Variants in ZNF34 observed in about 807,000 individuals in gnomAD.
ZNF34 encodes the protein zinc finger protein 34 (KOX 32).
In ZNF34, 8 loss-of-function variants were observed where a neutral mutation model predicts 14.4. The observed-to-expected ratio is 0.55, with a 90% CI of 0.33 to 1.00. ZNF34 has a LOEUF of 1.00. ZNF34 is among the 50% of genes least tolerant of loss of function. The pLI is 0.03. For missense variants in ZNF34, 538 were observed against 674.2 expected, an observed-to-expected ratio of 0.80 and a Z score of 2.24; for synonymous variants, 235 against 247.9, an observed-to-expected ratio of 0.95 and a Z score of 0.49.
At position 144,774,732 on chromosome 8, in the gene ZNF34, T is replaced by G. The variant is rs111768776; in HGVS notation, c.281-127A>C. Reference sequence around the variant, plus strand: ...CAAAGTCCCAACAGCCTTGCAAAGATAAGAGCCTGGAGCTCAGAGGCTTAT... The same window carrying G: ...CAAAGTCCCAACAGCCTTGCAAAGAGAAGAGCCTGGAGCTCAGAGGCTTAT... On this transcript the variant is annotated intron_variant, in intron 5 of 5. Coordinates refer to ENST00000429371, the MANE Select transcript of ZNF34 (RefSeq NM_001286769.2). The G allele has an allele frequency of 0.016, 19,159 of 1,189,472 alleles. 2,350 individuals are homozygous for G. The African/African-American group carries it at 0.26, about 16-fold the overall frequency. The allele number at this position is 1,189,472 out of a possible 1,614,324, so 73.7% of individuals were successfully genotyped here.
Position 144,774,040 on chromosome 8 carries a change from T to C in ZNF34, c.846A>G (p.Gly282=), listed in dbSNP as rs1298865300. The part of the protein sequence containing the change: ...EFINHRRMHS[G]EIPYRCDECG... ...ACTCGTCACACCGGTAGGGAATCTC[T>C]CCTGAGTGCATCCTTCGGTGATTGA... Residue 282 remains glycine, a synonymous_variant, in exon 6 of 6, where the codon GGA becomes GGG. Coordinates refer to ENST00000429371, the MANE Select transcript of ZNF34 (RefSeq NM_001286769.2). The C allele has an allele frequency of 6.2e-7, 1 of 1,614,072 alleles. No individual in the cohort carries two copies. The highest frequency in any genetic ancestry group is 1.1e-5 in the South Asian group (1 of 91,078).
intron 5 of ZNF34, among the ~76,000 whole-genome samples, chr8:144,775,036 G>A (rs2953857): frequency 0.38 from 58,228 of 152,110 alleles, 13,073 homozygotes; most frequent in East Asian, 0.69. Flanking sequence ...GTGACCACAT[G>A]GCACTCTCAT....
intron 1 of ZNF34, among the ~76,000 whole-genome samples, chr8:144,780,714 G>A (rs1404123541): frequency 3.3e-5 from 5 of 151,920 alleles, no homozygotes; most frequent in African/African-American, 9.7e-5. Flanking sequence ...GCTTGAACCC[G>A]GGAGGCGGAG....
At chr8:144,776,509 A>C (rs1001328183) in intron 5 of ZNF34, among the ~76,000 whole-genome samples, 2 of 152,082 alleles carry the variant, frequency 1.3e-5, no homozygotes, top group East Asian at 3.9e-4. Flanking sequence ...CTGAGGCAGA[A>C]TCGCTTGAAA....
chr8:144,786,339 T>C (rs1047253493), intron 1 of ZNF34, among the ~76,000 whole-genome samples: 4 of 150,502 alleles, frequency 2.7e-5, no homozygotes, highest in Admixed American at 2.6e-4. Context: ...TTTGTAGAGA[T>C]ATAAGAAAAC....
chr8:144,786,176 CG>C (rs1244857611), intron 1 of ZNF34, among the ~76,000 whole-genome samples: 1 of 151,260 alleles, frequency 6.6e-6, no homozygotes, highest in Non-Finnish European at 1.5e-5. Context: ...TTAGTAGAGA[CG>C]GGGTTTCACT....
chr8:144,786,766 T>G (rs1223700544), intron 1 of ZNF34, among the ~76,000 whole-genome samples: 1 of 148,904 alleles, frequency 6.7e-6, no homozygotes, highest in Non-Finnish European at 1.5e-5. Flanking sequence ...GCGAGGAGGG[T>G]GGGGCGGAGG....
chr8:144,778,139 G>A lies in ZNF34; in HGVS notation c.59C>T (p.Ala20Val), dbSNP rs769439495. 6.2e-7 allele frequency: 1 copy of A among 1,613,700 alleles called. No homozygotes were observed. Among genetic ancestry groups the A allele is most frequent in the Non-Finnish European group, 8.5e-7 (1 of 1,179,766 alleles). Residue 20 changes from alanine (A) to valine (V), a missense_variant, in exon 4 of 6, where the codon GCT becomes GTT. Physicochemically the swap from Ala to Val is moderately conservative, Grantham distance 64. This residue lies in a region of ZNF34 where 431 missense variants were observed against 525.7 expected (regional missense o/e 0.82). Transcript: ENST00000429371. ...CCATTCCTCCCGGGAGAGGTACACA[G>A]CCACGTCCTCGAAGGTCACCTCGGC... ...PQAEVTFEDVAVYLSREEWGR... is the reference protein window; with the variant it reads ...PQAEVTFEDVVVYLSREEWGR...
Position 144,778,513 on chromosome 8 carries a change from G to T in ZNF34, c.-42C>A, listed in dbSNP as rs1825672557. On this transcript the variant is annotated 5_prime_UTR_variant, in exon 3 of 6. Coordinates refer to ENST00000429371, the MANE Select transcript of ZNF34 (RefSeq NM_001286769.2). ...TTTCTGAGGGCAGTGAGCAGGAGCTGGTCACTGAGGAGCTGAGGGAAGAGA... is the reference window on the plus strand; with the variant it reads ...TTTCTGAGGGCAGTGAGCAGGAGCTTGTCACTGAGGAGCTGAGGGAAGAGA... 2 of 1,580,072 alleles carry T rather than the reference G, an allele frequency of 1.3e-6. No homozygotes were observed. Among genetic ancestry groups the T allele is most frequent in the East Asian group, 2.3e-5 (1 of 43,588 alleles).
chr8:144,778,491 C>G lies in ZNF34; in HGVS notation c.-20G>C. On this transcript the variant is annotated 5_prime_UTR_variant, in exon 3 of 6. Transcript: ENST00000429371. ...CGCCATTGCCTGAGGGTTGGGCTTT[C>G]TGAGGGCAGTGAGCAGGAGCTGGTC... 6.3e-7 allele frequency: 1 copy of G among 1,590,786 alleles called. No individual in the cohort carries two copies. The highest frequency in any genetic ancestry group is 8.6e-7 in the Non-Finnish European group (1 of 1,169,026).
chr8:144,777,677 G>C lies in ZNF34; in HGVS notation c.161-100C>G. 2 of 1,397,162 alleles carry C rather than the reference G, an allele frequency of 1.4e-6. No individual in the cohort carries two copies. Among genetic ancestry groups the C allele is most frequent in the Non-Finnish European group, 1.9e-6 (2 of 1,035,536 alleles). The allele number at this position is 1,397,162 out of a possible 1,614,324, so 86.5% of individuals were successfully genotyped here. A position where few individuals can be genotyped will look rare whatever the true frequency, so the allele number is the denominator to read the frequency against. On this transcript the variant is annotated intron_variant, in intron 4 of 5. Transcript: ENST00000429371. This position sits in a 1 kb window ranked among gnomAD's most constrained non-coding sequence, Gnocchi z 4.8. The stretch of plus-strand genomic sequence containing the variant: ...GCAGGGTAAGGGAGGCACAGGCAGA[G>C]GGGGTGATGGAAGCCTGGACACTCT...
At chr8:144,775,413 G>C (rs976012521) in intron 5 of ZNF34, among the ~76,000 whole-genome samples, 3 of 152,220 alleles carry the variant, frequency 2.0e-5, no homozygotes, top group Non-Finnish European at 2.9e-5. Flanking sequence ...GCGCCAGAGA[G>C]AGACATGCAC....
rs1044978453 is a variant in ZNF34 at position 144,773,122 on chromosome 8, TAAGAA to T, written c.*139_*143del. 1 of 927,010 alleles carries T rather than the reference TAAGAA, an allele frequency of 1.1e-6. No homozygotes were observed. The highest frequency in any genetic ancestry group is 1.5e-6 in the Non-Finnish European group (1 of 661,066). 57.4% of individuals were successfully genotyped at this position (927,010 alleles called of 1,614,324 possible). A position where few individuals can be genotyped will look rare whatever the true frequency, so the allele number is the denominator to read the frequency against. On this transcript the variant is annotated 3_prime_UTR_variant, in exon 6 of 6. Coordinates refer to ENST00000429371, the MANE Select transcript of ZNF34 (RefSeq NM_001286769.2). The surrounding 1 kb of genome is among the most constrained non-coding windows in gnomAD (Gnocchi z 5.4). ...AAATGAACATGCACTGCTTTTGATT[TAAGAA>T]AAGAGGTTTGTTTAATGAGAAACGT...
In ZNF34 at chr8:144,780,933, G is replaced by A. The variant is rs928602794; in HGVS notation, c.-107-653C>T. Among the ~76,000 whole-genome samples the A allele has an allele frequency of 4.6e-5, 7 of 150,752 alleles. No homozygotes were observed. The South Asian group carries it at 6.3e-4, about 14-fold the overall frequency. The stretch of plus-strand genomic sequence containing the variant: ...GGGTGGATGGCGAGGTCAGGAGATC[G>A]AGACCATCCTGGCTGACGGTGAAAC... On this transcript the variant is annotated intron_variant, in intron 1 of 5. Transcript: ENST00000429371.
chr8:144,776,466 G>A (rs1187212586), intron 5 of ZNF34, among the ~76,000 whole-genome samples: 3 of 151,368 alleles, frequency 2.0e-5, no homozygotes, highest in Admixed American at 6.6e-5. Flanking sequence ...CAGGCATGGC[G>A]GCAGGCACCT....
At position 144,777,573 on chromosome 8, in the gene ZNF34, T is replaced by C; in HGVS notation, c.165A>G (p.Val55=). The C allele has an allele frequency of 5.2e-6, 8 of 1,551,758 alleles. No individual in the cohort carries two copies. The highest frequency in any genetic ancestry group is 7.0e-6 in the Non-Finnish European group (8 of 1,147,090). The change falls in exon 5 of 6, where the codon GTA becomes GTG. Residue 55 remains valine, a synonymous_variant. Coordinates refer to ENST00000429371, the MANE Select transcript of ZNF34 (RefSeq NM_001286769.2). This position sits in a 1 kb window ranked among gnomAD's most constrained non-coding sequence, Gnocchi z 4.8. ...CTCCAGGCTTGGGGCCTGCAGGTCC[T>C]ACTCCTGGGAAGGAGACAGGGACTG... The part of the protein sequence containing the change: ...ETYGNLVSLG[V]GPAGPKPGVI...
intron 5 of ZNF34, among the ~76,000 whole-genome samples, chr8:144,776,958 G>A (rs935004009): frequency 2.0e-5 from 3 of 150,456 alleles, no homozygotes; most frequent in Non-Finnish European, 4.4e-5. Context: ...ACAGTGGAAA[G>A]GCCAGTGCTA....
chr8:144,783,730 G>C (rs1040825737), intron 1 of ZNF34, among the ~76,000 whole-genome samples: 1 of 152,186 alleles, frequency 6.6e-6, no homozygotes, highest in African/African-American at 2.4e-5. Flanking sequence ...TTTCTAAATA[G>C]GAGGGCTCAA....
chr8:144,780,946 C>A (rs2130281440), intron 1 of ZNF34, among the ~76,000 whole-genome samples: 1 of 150,910 alleles, frequency 6.6e-6, no homozygotes, highest in East Asian at 2.0e-4. Context: ...ACCATCCTGG[C>A]TGACGGTGAA....
Sources: gnomAD v4.1 joint callset for allele counts (sites outside exome capture counted in the v4.1 genomes callset) on GRCh38, gnomAD v4.1.1 for gene constraint, gnomAD v4.1.1 regional missense constraint, Gnocchi (gnomAD v3.1) non-coding constraint, MANE v1.5 for transcripts, NCBI Gene and HGNC (gene_info 2026-07-23, HGNC 2026-07-21) for gene names.